The following DLGAP2 variants were observed in gnomAD, a reference collection of about 807,000 sequenced individuals.
DLGAP2 encodes DLG associated protein 2.
In DLGAP2, 26 loss-of-function variants were observed where a neutral mutation model predicts 100.3. The observed-to-expected ratio is 0.26, with a 90% CI of 0.19 to 0.36. The LOEUF (loss-of-function observed/expected upper bound fraction) is 0.36, where lower values mean the gene tolerates loss of function less well. Ranked by LOEUF, DLGAP2 falls within the 10% of genes least tolerant of loss-of-function variation. The probability of loss-of-function intolerance (pLI) is 1.00; values close to 1 mark genes in which losing one functional copy is unlikely to be tolerated. For synonymous variants in DLGAP2, 886 were observed against 630.1 expected (o/e 1.41, Z -6.08); for missense variants, 1,858 against 1,453.2 (o/e 1.28, Z -4.53).
chr8:911,501 T>C (rs1276719658), intron 2 of DLGAP2, among the ~76,000 whole-genome samples: 14 of 149,014 alleles, frequency 9.4e-5, no homozygotes. Context: ...GTTGGAAGGA[T>C]GTGTGTGTAA....
chr8:1,534,069 C>T (rs1181523543), intron 4 of DLGAP2, among the ~76,000 whole-genome samples: 1 of 152,282 alleles, frequency 6.6e-6, no homozygotes, highest in South Asian at 2.1e-4. Context: ...CTGATATATA[C>T]ATTTGGAAAT....
intron 3 of DLGAP2, among the ~76,000 whole-genome samples, chr8:1,428,159 CAAA>C (rs1797290764): frequency 1.1e-5 from 1 of 94,428 alleles, no homozygotes; most frequent in Non-Finnish European, 2.8e-5. Context: ...AAATAGAAAA[CAAA>C]ATGCTAGTTA....
chr8:842,819 G>A (rs1797006856), intron 1 of DLGAP2, among the ~76,000 whole-genome samples: 1 of 151,994 alleles, frequency 6.6e-6, no homozygotes, highest in African/African-American at 2.4e-5. Flanking sequence ...CTTCATTTCT[G>A]AAATGAGCTG....
intron 3 of DLGAP2, among the ~76,000 whole-genome samples, chr8:1,283,666 C>G (rs1799866520): frequency 6.6e-6 from 1 of 152,172 alleles, no homozygotes; most frequent in African/African-American, 2.4e-5. Flanking sequence ...TGTGAAAATG[C>G]TTTTTGTCAC....
At chr8:1,114,806 T>A (rs933021174) in intron 2 of DLGAP2, among the ~76,000 whole-genome samples, 2 of 152,242 alleles carry the variant, frequency 1.3e-5, no homozygotes, top group African/African-American at 4.8e-5. Flanking sequence ...ATTTGAGATC[T>A]TTCCAACTTT....
chr8:1,360,915 G>A (rs891351175), intron 3 of DLGAP2, among the ~76,000 whole-genome samples: 1 of 152,212 alleles, frequency 6.6e-6, no homozygotes, highest in Admixed American at 6.5e-5. Flanking sequence ...ACGGTTTCTC[G>A]CCTCTCATCG....
intron 2 of DLGAP2, among the ~76,000 whole-genome samples, chr8:1,023,586 G>A (rs1306397540): frequency 6.6e-6 from 1 of 151,032 alleles, no homozygotes; most frequent in African/African-American, 2.4e-5. Flanking sequence ...GTGTTTCAGC[G>A]CAACAGTGTC....
At chr8:964,449 C>G (rs560273538) in intron 2 of DLGAP2, among the ~76,000 whole-genome samples, 1 of 152,244 alleles carries the variant, frequency 6.6e-6, no homozygotes, top group Admixed American at 6.5e-5. Context: ...GAGGACCCAG[C>G]CTTTTATTCA....
At chr8:1,338,671 C>G (rs1042337972) in intron 3 of DLGAP2, among the ~76,000 whole-genome samples, 2 of 152,152 alleles carry the variant, frequency 1.3e-5, no homozygotes, top group African/African-American at 4.8e-5. Flanking sequence ...AAACCAAAAA[C>G]TAAAGACACG....
chr8:1,560,220 C>T (rs370251369), intron 5 of DLGAP2, among the ~76,000 whole-genome samples: 1 of 152,196 alleles, frequency 6.6e-6, no homozygotes, highest in Non-Finnish European at 1.5e-5. Context: ...GCACATAACA[C>T]AGTTACATCT....
At chr8:1,530,551 G>C (rs1800955957) in intron 4 of DLGAP2, among the ~76,000 whole-genome samples, 1 of 152,170 alleles carries the variant, frequency 6.6e-6, no homozygotes, top group Admixed American at 6.5e-5. Context: ...ACAGGATTAA[G>C]AGATTAAAGT....
At chr8:1,246,734 C>T (rs1014199543) in intron 2 of DLGAP2, 2 of 152,294 alleles carry the variant, frequency 1.3e-5, no homozygotes, top group African/African-American at 2.4e-5. Flanking sequence ...GTGGCATCGC[C>T]ACGCAAGGGA....
rs150026694 is a variant in DLGAP2 at position 1,601,835 on chromosome 8, G to A, written c.1443-24905G>A. ...GTTCCTCTCAATCCTTGCATAATTA[G>A]TCATTGAGATATCAGCTTAAATAGC... On this transcript the variant is annotated intron_variant, in intron 6 of 14. Coordinates refer to ENST00000637795, the MANE Select transcript of DLGAP2 (RefSeq NM_001346810.2). 7.0e-4 allele frequency among the ~76,000 whole-genome samples: 106 copies of A among 152,146 alleles called. No homozygotes were observed. The South Asian group carries it at 0.011, about 16-fold the overall frequency.
intron 1 of DLGAP2, among the ~76,000 whole-genome samples, chr8:821,168 A>G (rs147324558): frequency 6.6e-5 from 10 of 152,374 alleles, no homozygotes; most frequent in Admixed American, 5.9e-4. Flanking sequence ...GAAAGTATTT[A>G]CATGGCGTTA....
In DLGAP2 at chr8:951,048, C is replaced by A. The variant is rs201681684; in HGVS notation, c.73+43082C>A. On this transcript the variant is annotated intron_variant, in intron 2 of 14. Transcript: ENST00000637795. Reference sequence around the variant, plus strand: ...TTTGTTTATATTTTCTTCACATAGACCATGTAAATAGCATAAGAATATGCA... The same window carrying A: ...TTTGTTTATATTTTCTTCACATAGAACATGTAAATAGCATAAGAATATGCA... Among the ~76,000 whole-genome samples the A allele has an allele frequency of 1.2e-4, 18 of 152,294 alleles. No individual in the cohort carries two copies. The East Asian group carries it at 2.5e-3, about 21-fold the overall frequency.
In DLGAP2 at chr8:815,166, T is replaced by C. The variant is rs374062607; in HGVS notation, c.18+77341T>C. Among the ~76,000 whole-genome samples, 8 of 152,322 alleles carry C rather than the reference T, an allele frequency of 5.3e-5. No homozygotes were observed. In the East Asian group the frequency reaches 7.7e-4, roughly 15 times the overall value. On this transcript the variant is annotated intron_variant, in intron 1 of 14. Transcript: ENST00000637795. ...GGTTTCTTTATAAACAGCAGGAGTT[T>C]ATTTCTCACAGTTCTGGAGGCCACG... is the stretch of plus-strand genomic sequence containing the variant.
intron 2 of DLGAP2, among the ~76,000 whole-genome samples, chr8:1,071,383 C>A (rs1010483903): frequency 6.6e-6 from 1 of 152,162 alleles, no homozygotes; most frequent in African/African-American, 2.4e-5. Context: ...GACTCCCCTC[C>A]CTCCTCCAGC....
chr8:1,063,521 CTTTTT>C (rs34456280), intron 2 of DLGAP2, among the ~76,000 whole-genome samples: 3 of 111,382 alleles, frequency 2.7e-5, no homozygotes, highest in Non-Finnish European at 3.8e-5. Context: ...AGTATACTGG[CTTTTT>C]TTTTTTTTTT....
intron 2 of DLGAP2, among the ~76,000 whole-genome samples, chr8:1,086,667 C>T (rs530530720): frequency 6.6e-6 from 1 of 152,030 alleles, no homozygotes; most frequent in South Asian, 2.1e-4. Context: ...TGAAGAAGGA[C>T]ATTATATAAT....
Sources: gnomAD v4.1 joint callset for allele counts (sites outside exome capture counted in the v4.1 genomes callset) on GRCh38, gnomAD v4.1.1 for gene constraint, MANE v1.5 for transcripts, NCBI Gene and HGNC (gene_info 2026-07-23, HGNC 2026-07-21) for gene names.